EIF3A: variants seen among roughly 807,000 people sequenced by gnomAD.
EIF3A encodes eukaryotic translation initiation factor 3 subunit A.
In EIF3A, 21 loss-of-function variants were observed where a neutral mutation model predicts 186.6. The ratio of observed to expected loss-of-function variants is 0.11; its 90% CI spans 0.08 to 0.16. The LOEUF (loss-of-function observed/expected upper bound fraction) is 0.16. EIF3A is among the 10% of genes least tolerant of loss of function. EIF3A has a pLI of 1.00. For synonymous variants in EIF3A, 563 were observed against 584.3 expected (o/e 0.96, Z 0.52); for missense variants, 1,306 against 1,796.3 (o/e 0.73, Z 4.93).
At chr10:119,044,955 T>A (rs151289698) in intron 17 of EIF3A, among the ~76,000 whole-genome samples, 2 of 115,462 alleles carry the variant, frequency 1.7e-5, no homozygotes, top group Non-Finnish European at 3.9e-5. Context: ...TTTTTTTTTT[T>A]TTTTTTTGAG....
intron 7 of EIF3A, among the ~76,000 whole-genome samples, chr10:119,062,658 A>T (rs564648385): frequency 6.6e-6 from 1 of 152,220 alleles, no homozygotes; most frequent in Admixed American, 6.5e-5. Flanking sequence ...TTAGTGGCTC[A>T]AATTCTACTT....
chr10:119,038,537 C>A, intron 19 of EIF3A, 98 bp from the exon 20 acceptor site: 1 of 966,738 alleles, frequency 1.0e-6, no homozygotes, highest in South Asian at 1.6e-5. Context: ...CATCATCATT[C>A]TAAATGCTAA....
chr10:119,046,537 A>T (rs532887689), intron 17 of EIF3A, among the ~76,000 whole-genome samples: 1 of 152,268 alleles, frequency 6.6e-6, no homozygotes, highest in Admixed American at 6.5e-5. Context: ...GTAAATATCT[A>T]GAAGCAAAAA....
chr10:119,046,391 G>C (rs1481409257), intron 17 of EIF3A, among the ~76,000 whole-genome samples: 1 of 152,126 alleles, frequency 6.6e-6, no homozygotes, highest in East Asian at 1.9e-4. Flanking sequence ...GAAAACTACT[G>C]ATCAAGAAAC....
chr10:119,074,394 G>GGAC (rs1178033199), intron 1 of EIF3A, among the ~76,000 whole-genome samples: 2 of 152,126 alleles, frequency 1.3e-5, no homozygotes, highest in Non-Finnish European at 2.9e-5. Context: ...GAACCCAGGA[G>GGAC]GCGGAGGTTG....
At chr10:119,050,495 C>A in intron 16 of EIF3A, 26 bp downstream of exon 16, 1 of 1,605,458 alleles carries the variant, frequency 6.2e-7, no homozygotes, top group Non-Finnish European at 8.5e-7. Flanking sequence ...CATTAGCACC[C>A]CTCCAATCCT....
intron 11 of EIF3A, among the ~76,000 whole-genome samples, chr10:119,058,857 T>C (rs1252178283): frequency 1.3e-5 from 2 of 152,294 alleles, no homozygotes; most frequent in East Asian, 1.9e-4. Flanking sequence ...CACTCCAGCC[T>C]GGGTGAGAGT....
At chr10:119,051,751 C>T (rs958871736) in intron 14 of EIF3A, among the ~76,000 whole-genome samples, 4 of 152,172 alleles carry the variant, frequency 2.6e-5, no homozygotes, top group African/African-American at 7.2e-5. Context: ...CACCAATGTA[C>T]AAACCTTAAT....
In EIF3A at chr10:119,080,736, G is replaced by A; in HGVS notation, c.-60C>T. ...AACTCTCTAGTGGCCCGGGCCGGGA[G>A]AGGAGACGAAGGGGAACCAGCGTAA... On this transcript the variant is annotated 5_prime_UTR_variant, in exon 1 of 22. Coordinates refer to ENST00000369144, the MANE Select transcript of EIF3A (RefSeq NM_003750.4). 13 of 1,547,612 alleles carry A rather than the reference G, an allele frequency of 8.4e-6. No homozygotes were observed. The highest frequency in any genetic ancestry group is 4.8e-5 in the South Asian group (4 of 83,408).
chr10:119,062,743 CTTTTTT>C (rs372690463), intron 7 of EIF3A, among the ~76,000 whole-genome samples: 22 of 91,034 alleles, frequency 2.4e-4, no homozygotes, highest in African/African-American at 8.9e-4. Context: ...AAGAGATCAC[CTTTTTT>C]TTTTTTTTTT....
At chr10:119,066,903 A>G (rs1370421437) in intron 6 of EIF3A, among the ~76,000 whole-genome samples, 1 of 152,182 alleles carries the variant, frequency 6.6e-6, no homozygotes, top group Non-Finnish European at 1.5e-5. Context: ...CTGGAAGAAC[A>G]TGTTTTTCCT....
chr10:119,078,455 A>G (rs1386533660), intron 1 of EIF3A, among the ~76,000 whole-genome samples: 2 of 152,226 alleles, frequency 1.3e-5, no homozygotes, highest in African/African-American at 4.8e-5. Flanking sequence ...GATCACAAAT[A>G]TTACATGTAA....
intron 6 of EIF3A, among the ~76,000 whole-genome samples, chr10:119,066,509 A>C (rs1376855611): frequency 6.5e-3 from 61 of 9,380 alleles, no homozygotes; most frequent in African/African-American, 8.6e-3. Context: ...GACTGTCAAA[A>C]AAAAAAAAAA....
In EIF3A at chr10:119,042,730, A is replaced by G. The variant is rs1486242871; in HGVS notation, c.2790T>C (p.His930=). The change falls in exon 19 of 22, where the codon CAT becomes CAC. Residue 930 remains histidine, a synonymous_variant. Transcript: ENST00000369144. The surrounding 1 kb of genome is among the most constrained non-coding windows in gnomAD (Gnocchi z 7.8). ...GCCGGGGCCGCTCTTCATCTCTTCTATGAGACCTGTCCTCATCTCGCCCTT... is the reference window on the plus strand; with the variant it reads ...GCCGGGGCCGCTCTTCATCTCTTCTGTGAGACCTGTCCTCATCTCGCCCTT... ...RGEGRDEDRS[H]RRDEERPRRL... is the part of the protein sequence containing the mutation. 3.7e-6 allele frequency: 6 copies of G among 1,613,172 alleles called. No individual in the cohort carries two copies. Among genetic ancestry groups the G allele is most frequent in the East Asian group, 2.2e-5 (1 of 44,870 alleles).
chr10:119,048,532 T>C (rs997994860), intron 17 of EIF3A, among the ~76,000 whole-genome samples: 12 of 152,196 alleles, frequency 7.9e-5, no homozygotes, highest in African/African-American at 2.9e-4. Context: ...TTGCATATTT[T>C]GATTCAGAAG....
intron 11 of EIF3A, 84 bp from the exon 12 acceptor site, chr10:119,058,387 G>C: frequency 1.1e-6 from 1 of 907,226 alleles, no homozygotes; most frequent in South Asian, 1.7e-5. Flanking sequence ...AAATAATCCT[G>C]ATGTACTGCC....
chr10:119,048,970 C>T (rs1415157967), intron 17 of EIF3A, among the ~76,000 whole-genome samples: 1 of 152,080 alleles, frequency 6.6e-6, no homozygotes, highest in Non-Finnish European at 1.5e-5. Flanking sequence ...CCCGGCCAAA[C>T]GATGATGTCT....
intron 19 of EIF3A, among the ~76,000 whole-genome samples, chr10:119,039,942 T>C (rs1848185850): frequency 1.3e-5 from 2 of 152,150 alleles, no homozygotes; most frequent in Non-Finnish European, 2.9e-5. Flanking sequence ...CCTAGGAACA[T>C]GAGTTCAGTA....
intron 14 of EIF3A, among the ~76,000 whole-genome samples, chr10:119,056,353 G>A (rs1843783461): frequency 6.6e-6 from 1 of 152,166 alleles, no homozygotes; most frequent in Admixed American, 6.5e-5. Flanking sequence ...GGGTGGTGGG[G>A]AAGAATAGGG....
Sources: allele counts gnomAD v4.1 joint callset (sites outside exome capture counted in the v4.1 genomes callset), GRCh38; gene constraint gnomAD v4.1.1; non-coding constraint Gnocchi (gnomAD v3.1); transcripts MANE v1.5; gene names NCBI Gene and HGNC (gene_info 2026-07-23, HGNC 2026-07-21).